The following CYP2C19 variants were observed in gnomAD, a reference collection of about 807,000 sequenced individuals.
CYP2C19 encodes cytochrome P450 family 2 subfamily C member 19, also known as cytochrome P450 2C19.
In CYP2C19, 59 loss-of-function variants were observed where a neutral mutation model predicts 40.9. The observed-to-expected ratio is 1.44, with a 90% CI of 1.17 to 1.79. The LOEUF is 1.79. Among genes scored for constraint, CYP2C19 ranks in the 40% most tolerant of loss-of-function variants. CYP2C19 has a pLI of 0.00. For missense variants in CYP2C19, 754 were observed against 596.9 expected (o/e 1.26, Z -2.74); for synonymous variants, 253 against 208.7 (o/e 1.21, Z -1.83).
chr10:94,774,923 T>G lies in CYP2C19; in HGVS notation c.169-135T>G, dbSNP rs1848385574. The G allele has an allele frequency of 5.3e-6, 5 of 946,698 alleles. No individual in the cohort carries two copies. The South Asian group carries it at 8.7e-5, about 17-fold the overall frequency. 58.6% of individuals were successfully genotyped at this position (946,698 alleles called of 1,614,324 possible). On this transcript the variant is annotated intron_variant, in intron 1 of 8. Transcript: ENST00000371321. ...TAATAATCATCATCATGTTTATATA[T>G]AAAATTCAGAAATATTTGAGCCTGT...
chr10:94,798,836 T>TTTTTTTTTTTTTTTTC (rs1848725063), intron 5 of CYP2C19, among the ~76,000 whole-genome samples: 1 of 137,516 alleles, frequency 7.3e-6, no homozygotes, highest in Non-Finnish European at 1.6e-5. Flanking sequence ...TTTTTTTTTT[T>TTTTTTTTTTTTTTTTC]TTGCTGTCTA....
chr10:94,784,435 G>A (rs1041871350), intron 5 of CYP2C19, among the ~76,000 whole-genome samples: 2 of 151,942 alleles, frequency 1.3e-5, no homozygotes, highest in Non-Finnish European at 2.9e-5. Context: ...GGGTCAAATG[G>A]TAATTTTATG....
At chr10:94,799,616 A>G (rs956757625) in intron 5 of CYP2C19, among the ~76,000 whole-genome samples, 4 of 151,966 alleles carry the variant, frequency 2.6e-5, no homozygotes, top group Admixed American at 6.6e-5. Flanking sequence ...CATTCTCCCT[A>G]TCACTTTCTG....
At position 94,802,433 on chromosome 10, in the gene CYP2C19, T is replaced by C. The variant is rs12256208; in HGVS notation, c.820-18063T>C. On this transcript the variant is annotated intron_variant, in intron 5 of 8. Transcript: ENST00000371321. ...CTGCTTTTTATTGCTTTCTATCTGCTTGGTAAATCTTCCTCCATCCCTTTA... is the reference window on the plus strand; with the variant it reads ...CTGCTTTTTATTGCTTTCTATCTGCCTGGTAAATCTTCCTCCATCCCTTTA... Among the ~76,000 whole-genome samples the C allele has an allele frequency of 1.9e-3, 291 of 152,262 alleles. 1 individual carries two copies. The highest frequency in any genetic ancestry group is 6.7e-3 in the African/African-American group (278 of 41,552).
At chr10:94,771,785 T>G (rs1262357168) in intron 1 of CYP2C19, among the ~76,000 whole-genome samples, 1 of 152,116 alleles carries the variant, frequency 6.6e-6, no homozygotes, top group Non-Finnish European at 1.5e-5. Flanking sequence ...AAACACCTCT[T>G]GCCCAAGAAC....
At chr10:94,813,150 G>A (rs1848951644) in intron 5 of CYP2C19, among the ~76,000 whole-genome samples, 1 of 152,028 alleles carries the variant, frequency 6.6e-6, no homozygotes, top group South Asian at 2.1e-4. Flanking sequence ...GCTGGAGTTT[G>A]CTTGAGGTCC....
Position 94,791,672 on chromosome 10 carries a change from A to G in CYP2C19, c.819+9675A>G, listed in dbSNP as rs559417584. On this transcript the variant is annotated intron_variant, in intron 5 of 8. Coordinates refer to ENST00000371321, the MANE Select transcript of CYP2C19 (RefSeq NM_000769.4). ...TTGTTCAGTTTCCATGTAGTTGAGC[A>G]GTTTTGAGTGAGTTTCTTAATCCTG... 3.1e-3 allele frequency among the ~76,000 whole-genome samples: 474 copies of G among 152,216 alleles called. 3 individuals are homozygous for G. Among genetic ancestry groups the G allele is most frequent in the African/African-American group, 0.011 (451 of 41,572 alleles).
chr10:94,815,744 C>A (rs1251592782), intron 5 of CYP2C19, among the ~76,000 whole-genome samples: 1 of 152,104 alleles, frequency 6.6e-6, no homozygotes, highest in Admixed American at 6.5e-5. Context: ...TACTGTGGGC[C>A]CATCTTGTCA....
chr10:94,783,839 G>T (rs535933212), intron 5 of CYP2C19, among the ~76,000 whole-genome samples: 1 of 152,088 alleles, frequency 6.6e-6, no homozygotes, highest in African/African-American at 2.4e-5. Context: ...CTTCAAAGGA[G>T]CCAATGGGAA....
At chr10:94,846,986 T>A (rs1026234462) in intron 7 of CYP2C19, among the ~76,000 whole-genome samples, 1 of 152,168 alleles carries the variant, frequency 6.6e-6, no homozygotes, top group Non-Finnish European at 1.5e-5. Flanking sequence ...TGAAGCTCAA[T>A]CATATGTTTA....
At chr10:94,794,659 A>G (rs9664368) in intron 5 of CYP2C19, among the ~76,000 whole-genome samples, 148,831 of 152,182 alleles carry the variant, frequency 0.98, 72,877 homozygotes, top group East Asian at 1. Flanking sequence ...TATTCTATTT[A>G]TAACAATTTT....
intron 6 of CYP2C19, among the ~76,000 whole-genome samples, chr10:94,837,508 A>T (rs1414445068): frequency 6.6e-6 from 1 of 152,118 alleles, no homozygotes; most frequent in Non-Finnish European, 1.5e-5. Flanking sequence ...TTTTGCTAGA[A>T]TGTCTCTCCC....
intron 5 of CYP2C19, among the ~76,000 whole-genome samples, chr10:94,797,455 G>T (rs116855710): frequency 0.059 from 8,831 of 150,932 alleles, 310 homozygotes; most frequent in South Asian, 0.12. Context: ...GAAATTTTTT[G>T]TGTGTGTGTC....
At chr10:94,797,891 A>G (rs972441930) in intron 5 of CYP2C19, among the ~76,000 whole-genome samples, 1 of 151,462 alleles carries the variant, frequency 6.6e-6, no homozygotes, top group South Asian at 2.1e-4. Context: ...TTTCTTCTTT[A>G]TTAGTCTTCC....
At chr10:94,827,058 G>A (rs1188727199) in intron 6 of CYP2C19, among the ~76,000 whole-genome samples, 1 of 152,016 alleles carries the variant, frequency 6.6e-6, no homozygotes. Context: ...GCTGGATTCG[G>A]TTTGCCAGTA....
At chr10:94,771,305 G>C (rs1005848393) in intron 1 of CYP2C19, among the ~76,000 whole-genome samples, 3 of 152,112 alleles carry the variant, frequency 2.0e-5, no homozygotes, top group African/African-American at 2.4e-5. Flanking sequence ...TTAATAGGAA[G>C]TGGAACTATA....
chr10:94,840,539 G>A (rs1849476286), intron 6 of CYP2C19, among the ~76,000 whole-genome samples: 1 of 152,168 alleles, frequency 6.6e-6, no homozygotes, highest in African/African-American at 2.4e-5. Context: ...CTAGGAGGCA[G>A]GGATCAGAGG....
intron 7 of CYP2C19, among the ~76,000 whole-genome samples, chr10:94,848,460 A>G (rs1390734807): frequency 1.3e-5 from 2 of 152,142 alleles, no homozygotes; most frequent in South Asian, 2.1e-4. Flanking sequence ...TACCAGTACC[A>G]TGCTGTTTTG....
chr10:94,835,775 A>T (rs1849393516), intron 6 of CYP2C19, among the ~76,000 whole-genome samples: 1 of 152,092 alleles, frequency 6.6e-6, no homozygotes, highest in African/African-American at 2.4e-5. Flanking sequence ...ATCTGTATAT[A>T]TATATTTACC....
Sources: gnomAD v4.1 joint callset for allele counts (sites outside exome capture counted in the v4.1 genomes callset) on GRCh38, gnomAD v4.1.1 for gene constraint, MANE v1.5 for transcripts, NCBI Gene and HGNC (gene_info 2026-07-23, HGNC 2026-07-21) for gene names.